The following TERB1 variants were observed in gnomAD, a reference collection of about 807,000 sequenced individuals.
TERB1 encodes telomere repeat binding bouquet formation protein 1.
TERB1 carries 63 observed loss-of-function variants against 92.3 expected under a neutral mutation model. The ratio of observed to expected loss-of-function variants is 0.68; its 90% CI spans 0.56 to 0.84. TERB1 has a LOEUF of 0.84. Among genes scored for constraint, TERB1 ranks in the 40% least tolerant of loss-of-function variants. The probability of loss-of-function intolerance (pLI) is 0.00; values close to 1 mark genes in which losing one functional copy is unlikely to be tolerated. For synonymous variants in TERB1, 252 were observed against 283.9 expected (o/e 0.89, Z 1.13); for missense variants, 709 against 843.7 (o/e 0.84, Z 1.98).
At chr16:66,768,702 T>C (rs1438785858) in intron 14 of TERB1, among the ~76,000 whole-genome samples, 2 of 152,228 alleles carry the variant, frequency 1.3e-5, no homozygotes, top group African/African-American at 2.4e-5. Flanking sequence ...AGTAGCTTTA[T>C]AGTTATAGCT....
chr16:66,768,044 T>C lies in TERB1; in HGVS notation c.1684+60A>G, dbSNP rs186530298. On this transcript the variant is annotated intron_variant, in intron 15 of 18. Transcript: ENST00000433154. ...CACCCAGTCAATGTGCATTTTTAGCTATATTGGTTACCTAAATATCTGTTT... is the reference window on the plus strand; with the variant it reads ...CACCCAGTCAATGTGCATTTTTAGCCATATTGGTTACCTAAATATCTGTTT... 3.8e-6 allele frequency: 5 copies of C among 1,323,224 alleles called. No homozygotes were observed. In the Admixed American group the frequency reaches 1.0e-4, roughly 26 times the overall value. 82.0% of individuals were successfully genotyped at this position (1,323,224 alleles called of 1,614,324 possible).
intron 2 of TERB1, among the ~76,000 whole-genome samples, chr16:66,797,358 C>A (rs1959202538): frequency 6.6e-6 from 1 of 151,590 alleles, no homozygotes; most frequent in African/African-American, 2.4e-5. Context: ...ACCTCAGCTT[C>A]CAGAGTAGCT....
intron 9 of TERB1, among the ~76,000 whole-genome samples, chr16:66,781,408 G>A (rs185516896): frequency 2.3e-4 from 35 of 151,982 alleles, no homozygotes; most frequent in Non-Finnish European, 3.5e-4. Flanking sequence ...CTTCTTTGGC[G>A]AAGTATCTGT....
In TERB1 at chr16:66,765,870, T is replaced by A. The variant is rs1270871620; in HGVS notation, c.1780+1545A>T. 1.1e-3 allele frequency among the ~76,000 whole-genome samples: 144 copies of A among 129,404 alleles called. 1 individual carries two copies. The Middle Eastern group carries it at 0.018, about 16-fold the overall frequency. 84.9% of individuals were successfully genotyped at this position (129,404 alleles called of 152,430 possible). A position where few individuals can be genotyped will look rare whatever the true frequency, so the allele number is the denominator to read the frequency against. On this transcript the variant is annotated intron_variant, in intron 16 of 18. Coordinates refer to ENST00000433154, the MANE Select transcript of TERB1 (RefSeq NM_001136505.2). ...GGGTATTTTTTTTTTTTTTTTTTTT[T>A]TTTTTTTTTTTTGAGACGGAGTCTC...
Position 66,790,670 on chromosome 16 carries a change from G to T in TERB1, c.196C>A (p.Leu66Ile), listed in dbSNP as rs363193. 4 of 1,550,790 alleles carry T rather than the reference G, an allele frequency of 2.6e-6. No individual in the cohort carries two copies. The African/African-American group carries it at 5.5e-5, about 21-fold the overall frequency. ...ATGCTATGTTCACTTGACTTTGCAA[G>T]ATTTTTTACAAACATCAAACCACCA... ...EIGGLMFVKN[L>I]AKSSEHSMVK... The change falls in exon 5 of 19, where the codon CTT becomes ATT. Residue 66 changes from leucine to isoleucine, a missense_variant. Leu to Ile is a conservative substitution (Grantham distance 5). Transcript: ENST00000433154.
intron 9 of TERB1, among the ~76,000 whole-genome samples, chr16:66,782,727 T>C (rs2018657776): frequency 6.6e-6 from 1 of 152,210 alleles, no homozygotes; most frequent in Admixed American, 6.6e-5. Context: ...AAGCAGCTTG[T>C]TAATTTCTAG....
intron 11 of TERB1, among the ~76,000 whole-genome samples, chr16:66,775,900 C>G (rs1567471693): frequency 6.6e-6 from 1 of 151,570 alleles, no homozygotes; most frequent in East Asian, 2.0e-4. Flanking sequence ...TTAGTAGAGA[C>G]AGGGTTTCAA....
chr16:66,757,525 C>G (rs984951177), intron 18 of TERB1, among the ~76,000 whole-genome samples: 1 of 152,146 alleles, frequency 6.6e-6, no homozygotes, highest in African/African-American at 2.4e-5. Flanking sequence ...CTATAGAAAA[C>G]ATTACTTCAG....
intron 2 of TERB1, among the ~76,000 whole-genome samples, chr16:66,798,369 C>A (rs1959211331): frequency 6.6e-6 from 1 of 151,894 alleles, no homozygotes; most frequent in Admixed American, 6.6e-5. Flanking sequence ...TTTGTAGAGA[C>A]AGGGATTTTG....
At chr16:66,768,768 T>G (rs1245362705) in intron 14 of TERB1, among the ~76,000 whole-genome samples, 1 of 152,112 alleles carries the variant, frequency 6.6e-6, no homozygotes, top group African/African-American at 2.4e-5. Context: ...AAAAAGCATT[T>G]CAAAGAGATG....
intron 2 of TERB1, among the ~76,000 whole-genome samples, chr16:66,797,734 T>C (rs576349061): frequency 6.6e-6 from 1 of 150,570 alleles, no homozygotes; most frequent in South Asian, 2.1e-4. Context: ...CAACATGGTA[T>C]AGTGAGATGG....
rs2018114822 is a variant in TERB1 at position 66,755,092 on chromosome 16, C to G, written c.2068G>C (p.Gly690Arg). The stretch of plus-strand genomic sequence containing the variant: ...CACAAAATTGAATTCCAGTGATTTC[C>G]CATTTTCTTAACTCCATTGAAAAGG... ...NYLFNGVKKM[G>R]NHWNSILWSF... Residue 690 changes from glycine to arginine, a missense_variant, in exon 19 of 19, where the codon GGA becomes CGA. Physicochemically the swap from Gly to Arg is moderately radical, Grantham distance 125. Transcript: ENST00000433154. 6.4e-7 allele frequency: 1 copy of G among 1,551,192 alleles called. No individual in the cohort carries two copies. The highest frequency in any genetic ancestry group is 1.4e-5 in the African/African-American group (1 of 73,024).
chr16:66,767,804 T>G (rs2018375706), intron 15 of TERB1, among the ~76,000 whole-genome samples: 1 of 152,024 alleles, frequency 6.6e-6, no homozygotes. Flanking sequence ...CTCGGCTCAC[T>G]GCAACCTCCG....
intron 10 of TERB1, 58 bp from the exon 11 acceptor site, chr16:66,777,392 T>C: frequency 5.6e-6 from 6 of 1,068,826 alleles, no homozygotes; most frequent in South Asian, 3.8e-5. Context: ...TAAATGTATA[T>C]ATACTATGTA....
intron 16 of TERB1, among the ~76,000 whole-genome samples, chr16:66,763,750 A>AT (rs1476633785): frequency 1.3e-5 from 2 of 152,288 alleles, no homozygotes; most frequent in African/African-American, 2.4e-5. Context: ...TTGGAAAAAC[A>AT]TTTTTTAAAA....
rs765202578 is a variant in TERB1, at chr16:66,785,775, C to T, written c.700+11G>A. The T allele has an allele frequency of 2.1e-5, 32 of 1,511,330 alleles. No homozygotes were observed. Among genetic ancestry groups the T allele is most frequent in the East Asian group, 5.0e-5 (2 of 40,168 alleles). 93.6% of individuals were successfully genotyped at this position (1,511,330 alleles called of 1,614,324 possible). ...TCTTCAACTATGACCTAGAAAATAA[C>T]GAACACTTACTGTTATTTGCAAGAG... is the stretch of plus-strand genomic sequence containing the variant. On this transcript the variant is annotated intron_variant, in intron 9 of 18. Coordinates refer to ENST00000433154, the MANE Select transcript of TERB1 (RefSeq NM_001136505.2).
At chr16:66,764,555 ATAAGT>A (rs2018306632) in intron 16 of TERB1, among the ~76,000 whole-genome samples, 2 of 152,238 alleles carry the variant, frequency 1.3e-5, no homozygotes, top group South Asian at 2.1e-4. Context: ...TATTAAGAAG[ATAAGT>A]TAACAGTGAT....
At chr16:66,793,459 C>A (rs1448878470) in intron 3 of TERB1, among the ~76,000 whole-genome samples, 1 of 151,788 alleles carries the variant, frequency 6.6e-6, no homozygotes. Context: ...CTCAGGTGAT[C>A]CACCTGCTTC....
chr16:66,756,142 A>G (rs2018134552), intron 18 of TERB1, among the ~76,000 whole-genome samples: 1 of 152,230 alleles, frequency 6.6e-6, no homozygotes, highest in Non-Finnish European at 1.5e-5. Context: ...CATCTTATCA[A>G]TGTGGGTAGA....
Sources: allele counts gnomAD v4.1 joint callset (sites outside exome capture counted in the v4.1 genomes callset), GRCh38; gene constraint gnomAD v4.1.1; transcripts MANE v1.5; gene names NCBI Gene and HGNC (gene_info 2026-07-23, HGNC 2026-07-21).